COL23A1: variants seen among roughly 807,000 people sequenced by gnomAD.
COL23A1 encodes the protein collagen alpha-1(XXIII) chain.
Under a neutral mutation model 99.3 loss-of-function variants are expected in COL23A1, and 97 were observed. That is an observed-to-expected ratio of 0.98 (90% CI 0.83 to 1.16). The LOEUF is 1.16. Ranked by LOEUF, COL23A1 falls within the 50% of genes most tolerant of loss-of-function variation. The pLI is 0.00. For missense variants in COL23A1, 762 were observed against 757.4 expected, an observed-to-expected ratio of 1.01 and a Z score of -0.07; for synonymous variants, 320 against 308.2, an observed-to-expected ratio of 1.04 and a Z score of -0.40.
chr5:178,562,736 T>TGGTGGGGGGGGGGGG (rs1554197569), intron 1 of COL23A1: 3 of 106,864 alleles, frequency 2.8e-5, no homozygotes, highest in African/African-American at 1.5e-4. Context: ...TGGCTGGTGG[T>TGGTGGGGGGGGGGGG]GGGGGGGGTG....
rs887265555 is a variant in COL23A1, at chr5:178,340,541, G to A, written c.362-33622C>T. 3.9e-5 allele frequency among the ~76,000 whole-genome samples: 6 copies of A among 152,164 alleles called. No individual in the cohort carries two copies. The highest frequency in any genetic ancestry group is 2.0e-4 in the Admixed American group (3 of 15,286). On this transcript the variant is annotated intron_variant, in intron 2 of 28. Transcript: ENST00000390654. The surrounding 1 kb of genome is among the most constrained non-coding windows in gnomAD (Gnocchi z 4.7). ...AGCTTCTCAAATCCCTGGTGCATGC[G>A]AACCATCTAGGAATCTTGCGGAAAT... is the stretch of plus-strand genomic sequence containing the variant.
chr5:178,541,393 GC>G (rs1444153517), intron 2 of COL23A1, among the ~76,000 whole-genome samples: 3 of 152,200 alleles, frequency 2.0e-5, no homozygotes, highest in Admixed American at 2.0e-4. Context: ...TTCAAGACCA[GC>G]CTGGGCGACA....
intron 2 of COL23A1, among the ~76,000 whole-genome samples, chr5:178,498,185 C>T (rs1331412860): frequency 8.8e-6 from 1 of 113,452 alleles, no homozygotes; most frequent in African/African-American, 3.1e-5. Context: ...GGCAACATGG[C>T]GAGACCCTGT....
chr5:178,406,611 G>A (rs1014492079), intron 2 of COL23A1, among the ~76,000 whole-genome samples: 27 of 151,958 alleles, frequency 1.8e-4, no homozygotes, highest in Admixed American at 1.8e-3. Context: ...TGTATTTTTA[G>A]TAGAGACAGG....
At chr5:178,290,862 G>A (rs114737823) in intron 3 of COL23A1, among the ~76,000 whole-genome samples, 2 of 152,196 alleles carry the variant, frequency 1.3e-5, no homozygotes, top group African/African-American at 4.8e-5. Context: ...AATGCATGAG[G>A]AGTAGCAGGG....
At chr5:178,328,165 C>T (rs1759799335) in intron 2 of COL23A1, among the ~76,000 whole-genome samples, 1 of 152,136 alleles carries the variant, frequency 6.6e-6, no homozygotes, top group African/African-American at 2.4e-5. Context: ...AAGGGTTCCT[C>T]CTCTGCCACG....
intron 2 of COL23A1, among the ~76,000 whole-genome samples, chr5:178,350,208 C>A (rs941070187): frequency 6.6e-6 from 1 of 152,220 alleles, no homozygotes; most frequent in Non-Finnish European, 1.5e-5. Flanking sequence ...CCAGGACGCC[C>A]ACCTGGTCAT....
intron 2 of COL23A1, among the ~76,000 whole-genome samples, chr5:178,331,670 C>T (rs566482297): frequency 1.3e-5 from 2 of 152,172 alleles, no homozygotes; most frequent in Non-Finnish European, 2.9e-5. Context: ...TAGACACATG[C>T]GCCTGGCTTC....
At chr5:178,476,479 T>C (rs1277168076) in intron 2 of COL23A1, among the ~76,000 whole-genome samples, 2 of 152,218 alleles carry the variant, frequency 1.3e-5, no homozygotes. Flanking sequence ...ACTGAACAAA[T>C]GGCAAATTCC....
intron 2 of COL23A1, among the ~76,000 whole-genome samples, chr5:178,456,755 T>C (rs184466165): frequency 6.6e-6 from 1 of 152,098 alleles, no homozygotes; most frequent in African/African-American, 2.4e-5. Context: ...AAAAAAATGA[T>C]AAAAACTGAA....
At position 178,274,823 on chromosome 5, in the gene COL23A1, G is replaced by A. The variant is rs150336862; in HGVS notation, c.442-4460C>T. On this transcript the variant is annotated intron_variant, in intron 5 of 28. Coordinates refer to ENST00000390654, the MANE Select transcript of COL23A1 (RefSeq NM_173465.4). ...ATGCCACAGCACTGTGCCTGGAGAT[G>A]CTCATGACTGTCCAGCTCGCTCCCC... Among the ~76,000 whole-genome samples the A allele has an allele frequency of 5.7e-3, 875 of 152,286 alleles. 11 individuals are homozygous for A. The highest frequency in any genetic ancestry group is 0.02 in the African/African-American group (833 of 41,548).
chr5:178,375,440 A>G lies in COL23A1; in HGVS notation c.362-68521T>C, dbSNP rs1283292513. Reference sequence around the variant, plus strand: ...ATGGCAGCCAGGGTGACCCTGTAAGAACCTAAATCAGAACTTGGCCTTTCT... The same window carrying G: ...ATGGCAGCCAGGGTGACCCTGTAAGGACCTAAATCAGAACTTGGCCTTTCT... On this transcript the variant is annotated intron_variant, in intron 2 of 28. Coordinates refer to ENST00000390654, the MANE Select transcript of COL23A1 (RefSeq NM_173465.4). Among the ~76,000 whole-genome samples the G allele has an allele frequency of 2.0e-5, 3 of 152,328 alleles. No individual in the cohort carries two copies. The East Asian group carries it at 5.8e-4, about 30-fold the overall frequency.
intron 2 of COL23A1, among the ~76,000 whole-genome samples, chr5:178,399,736 G>A (rs546752471): frequency 6.6e-6 from 1 of 152,234 alleles, no homozygotes; most frequent in Non-Finnish European, 1.5e-5. Context: ...CTGACCAAAG[G>A]AGGGAGGGGA....
chr5:178,292,268 T>A (rs138968556), intron 3 of COL23A1, among the ~76,000 whole-genome samples: 1 of 152,218 alleles, frequency 6.6e-6, no homozygotes, highest in Non-Finnish European at 1.5e-5. Context: ...TGCCTTCAGG[T>A]TAACTCGGAA....
chr5:178,316,289 T>A (rs2127619036), intron 2 of COL23A1, among the ~76,000 whole-genome samples: 1 of 152,354 alleles, frequency 6.6e-6, no homozygotes, highest in African/African-American at 2.4e-5. Context: ...TACGTCTGGG[T>A]TTGTTACCTT....
chr5:178,248,222 C>T lies in COL23A1; in HGVS notation c.1182G>A (p.Glu394=), dbSNP rs200471849. Residue 394 remains glutamate, a synonymous_variant, in exon 20 of 29, where the codon GAG becomes GAA. Coordinates refer to ENST00000390654, the MANE Select transcript of COL23A1 (RefSeq NM_173465.4). ...GADGLKGEKG[E]SASDSLQESL... The stretch of plus-strand genomic sequence containing the variant: ...TCTCCTGTAGGCTGTCAGACGCCGA[C>T]TCCCCCTTCTCCCCCTTGAGGCCGT... 1.2e-6 allele frequency: 2 copies of T among 1,611,224 alleles called. No homozygotes were observed. The highest frequency in any genetic ancestry group is 1.7e-5 in the Admixed American group (1 of 59,880).
chr5:178,258,674 C>T (rs1170952350), intron 12 of COL23A1, among the ~76,000 whole-genome samples: 1 of 151,844 alleles, frequency 6.6e-6, no homozygotes, highest in Non-Finnish European at 1.5e-5. Flanking sequence ...GGATTACAGG[C>T]GTCAGCCACC....
chr5:178,245,944 C>G lies in COL23A1; in HGVS notation c.1438G>C (p.Asp480His). Residue 480 changes from aspartate to histidine, a missense_variant and splice_region_variant, in exon 25 of 29, where the codon GAT becomes CAT. Asp to His is a moderately conservative substitution (Grantham distance 81). Coordinates refer to ENST00000390654, the MANE Select transcript of COL23A1 (RefSeq NM_173465.4). ...CAAAGTGATGATAAGACACTTACAT[C>G]TAGTCCTGGCTCCCCGGGTCTGCCC... Reference protein sequence around the residue: ...EKGRPGEPGLDGFPGPRGEKG... With the variant: ...EKGRPGEPGLHGFPGPRGEKG... 6 of 1,614,174 alleles carry G rather than the reference C, an allele frequency of 3.7e-6. No individual in the cohort carries two copies. Among genetic ancestry groups the G allele is most frequent in the Non-Finnish European group, 5.1e-6 (6 of 1,180,032 alleles).
chr5:178,487,296 A>T (rs370246435), intron 2 of COL23A1, among the ~76,000 whole-genome samples: 116 of 109,644 alleles, frequency 1.1e-3, no homozygotes, highest in African/African-American at 1.9e-3. Context: ...AGTTTTATTT[A>T]TTTATTTATT....
Sources: allele counts gnomAD v4.1 joint callset (sites outside exome capture counted in the v4.1 genomes callset), GRCh38; gene constraint gnomAD v4.1.1; non-coding constraint Gnocchi (gnomAD v3.1); transcripts MANE v1.5; gene names NCBI Gene and HGNC (gene_info 2026-07-23, HGNC 2026-07-21).